ADAMTSL1: variants seen among roughly 807,000 people sequenced by gnomAD.
ADAMTSL1 encodes ADAMTS like 1.
ADAMTSL1 carries 126 observed loss-of-function variants against 201.8 expected under a neutral mutation model. That is an observed-to-expected ratio of 0.62 (90% CI 0.54 to 0.72). The LOEUF (loss-of-function observed/expected upper bound fraction) is 0.72, where lower values mean the gene tolerates loss of function less well. Among genes scored for constraint, ADAMTSL1 ranks in the 30% least tolerant of loss-of-function variants. ADAMTSL1 has a pLI of 0.00. For synonymous variants in ADAMTSL1, 1,121 were observed against 903.4 expected, an observed-to-expected ratio of 1.24 and a Z score of -4.32; for missense variants, 2,679 against 2,277.8, an observed-to-expected ratio of 1.18 and a Z score of -3.59.
intron 1 of ADAMTSL1, among the ~76,000 whole-genome samples, chr9:18,010,434 A>G (rs1382645001): frequency 1.3e-5 from 2 of 152,070 alleles, no homozygotes; most frequent in Non-Finnish European, 2.9e-5. Flanking sequence ...ATCGAAATAA[A>G]GGATTGAAGA....
chr9:18,057,654 C>T (rs532320340), intron 1 of ADAMTSL1, among the ~76,000 whole-genome samples: 2 of 152,298 alleles, frequency 1.3e-5, no homozygotes, highest in South Asian at 4.1e-4. Context: ...ATCACCCAGA[C>T]CAGTCCAAAG....
chr9:18,204,772 A>G (rs1218252782), intron 2 of ADAMTSL1, among the ~76,000 whole-genome samples: 2 of 152,160 alleles, frequency 1.3e-5, no homozygotes, highest in African/African-American at 2.4e-5. Context: ...ATTAGAGGCT[A>G]TCCAAAGGCA....
chr9:18,846,412 G>A (rs555240569), intron 23 of ADAMTSL1, among the ~76,000 whole-genome samples: 141 of 152,302 alleles, frequency 9.3e-4, no homozygotes, highest in Admixed American at 2.2e-3. Flanking sequence ...TTCAGGTAGA[G>A]GAGCCGGCAG....
intron 2 of ADAMTSL1, among the ~76,000 whole-genome samples, chr9:18,277,110 C>A (rs1406922291): frequency 2.0e-5 from 3 of 152,180 alleles, no homozygotes; most frequent in African/African-American, 7.2e-5. Flanking sequence ...AGAAAAGATA[C>A]TTGATATGAT....
chr9:18,416,189 A>G (rs974616442), intron 2 of ADAMTSL1, among the ~76,000 whole-genome samples: 1 of 152,118 alleles, frequency 6.6e-6, no homozygotes, highest in African/African-American at 2.4e-5. Context: ...TATAAATGAT[A>G]ATCGACATTT....
At chr9:18,829,807 T>C (rs1396664522) in intron 22 of ADAMTSL1, 36 bp from the exon 23 acceptor site, 1 of 1,613,066 alleles carries the variant, frequency 6.2e-7, no homozygotes, top group Admixed American at 1.7e-5. Context: ...AGCCCTGTGC[T>C]TTAACCTGCC....
intron 19 of ADAMTSL1, among the ~76,000 whole-genome samples, chr9:18,788,433 C>G (rs1356714179): frequency 2.5e-4 from 36 of 143,630 alleles, no homozygotes. Context: ...TGCCTGCCAA[C>G]TAGGCCCCGG....
intron 1 of ADAMTSL1, among the ~76,000 whole-genome samples, chr9:18,159,898 T>C (rs1268922377): frequency 6.6e-6 from 1 of 152,050 alleles, no homozygotes; most frequent in Non-Finnish European, 1.5e-5. Flanking sequence ...ATTCTTGTTA[T>C]TCAGTGACTT....
intron 21 of ADAMTSL1, among the ~76,000 whole-genome samples, chr9:18,822,001 T>C (rs1824240691): frequency 6.6e-6 from 1 of 152,168 alleles, no homozygotes; most frequent in Admixed American, 6.5e-5. Context: ...CTAAGCTCTT[T>C]TACTGATCCT....
intron 2 of ADAMTSL1, among the ~76,000 whole-genome samples, chr9:18,258,324 T>C (rs535580365): frequency 7.2e-5 from 11 of 152,094 alleles, no homozygotes; most frequent in Admixed American, 5.9e-4. Context: ...GTATGCAAAA[T>C]GAGGTAAACG....
intron 21 of ADAMTSL1, among the ~76,000 whole-genome samples, chr9:18,818,661 C>T (rs867980005): frequency 5.9e-5 from 9 of 151,936 alleles, no homozygotes; most frequent in Non-Finnish European, 1.2e-4. Flanking sequence ...TGTGTGGTGA[C>T]GCATGCCTAT....
intron 3 of ADAMTSL1, among the ~76,000 whole-genome samples, chr9:18,563,505 C>T (rs564146567): frequency 6.6e-6 from 1 of 152,324 alleles, no homozygotes; most frequent in Non-Finnish European, 1.5e-5. Flanking sequence ...ACCCACTTCA[C>T]GAGGCAGCCT....
intron 19 of ADAMTSL1, among the ~76,000 whole-genome samples, chr9:18,785,450 A>G (rs1408026380): frequency 6.6e-6 from 1 of 152,240 alleles, no homozygotes; most frequent in Non-Finnish European, 1.5e-5. Context: ...GTATGCAAAT[A>G]TGCACTAAAT....
rs746780005 is a variant in ADAMTSL1 at position 18,777,059 on chromosome 9, G to A, written c.2830G>A (p.Val944Ile). Residue 944 changes from valine (V) to isoleucine (I), a missense_variant, in exon 19 of 29, where the codon GTC (valine) becomes ATC (isoleucine). Physicochemically the swap from Val to Ile is conservative, Grantham distance 29. Transcript: ENST00000380548. Reference sequence around the variant, plus strand: ...CCGCCTCAAGCCCTCGGATGCAGGCGTCTACACCTGCTCAGCGGGCCCGGC... The same window carrying A: ...CCGCCTCAAGCCCTCGGATGCAGGCATCTACACCTGCTCAGCGGGCCCGGC... ...IHRLKPSDAG[V>I]YTCSAGPARE... The A allele has an allele frequency of 2.5e-6, 4 of 1,613,296 alleles. No homozygotes were observed. Among genetic ancestry groups the A allele is most frequent in the South Asian group, 1.1e-5 (1 of 91,056 alleles).
At position 18,089,803 on chromosome 9, in the gene ADAMTSL1, G is replaced by C. The variant is rs940706781; in HGVS notation, c.88-74059G>C. On this transcript the variant is annotated intron_variant, in intron 1 of 29. Transcript: ENST00000680146. ...ATTGATAGAATATACTTTCAGTCACGCAATGTGATAAGCTCTAAAGATCTG... is the reference window on the plus strand; with the variant it reads ...ATTGATAGAATATACTTTCAGTCACCCAATGTGATAAGCTCTAAAGATCTG... 7.9e-5 allele frequency among the ~76,000 whole-genome samples: 12 copies of C among 152,210 alleles called. No individual in the cohort carries two copies. In the East Asian group the frequency reaches 2.3e-3, roughly 29 times the overall value.
chr9:18,319,667 T>C (rs1319223302), intron 2 of ADAMTSL1, among the ~76,000 whole-genome samples: 1 of 152,154 alleles, frequency 6.6e-6, no homozygotes, highest in African/African-American at 2.4e-5. Context: ...GCACTACGTT[T>C]GCTGAGATCC....
At chr9:18,891,127 C>T (rs985648480) in intron 25 of ADAMTSL1, among the ~76,000 whole-genome samples, 1 of 152,222 alleles carries the variant, frequency 6.6e-6, no homozygotes, top group East Asian at 1.9e-4. Context: ...GAGGAATTTG[C>T]TCCCCTTCCC....
chr9:18,780,427 G>C (rs934919724), intron 19 of ADAMTSL1, among the ~76,000 whole-genome samples: 1 of 152,128 alleles, frequency 6.6e-6, no homozygotes, highest in East Asian at 1.9e-4. Flanking sequence ...CCACAAACAG[G>C]CTCAGTGATC....
At chr9:18,509,688 G>A (rs1206392766) in intron 2 of ADAMTSL1, among the ~76,000 whole-genome samples, 2 of 152,216 alleles carry the variant, frequency 1.3e-5, no homozygotes, top group African/African-American at 2.4e-5. Flanking sequence ...CCAGTGCAAA[G>A]CCTGTTTCCA....
Sources: allele counts gnomAD v4.1 joint callset (sites outside exome capture counted in the v4.1 genomes callset), GRCh38; gene constraint gnomAD v4.1.1; transcripts MANE v1.5; gene names NCBI Gene and HGNC (gene_info 2026-07-23, HGNC 2026-07-21).